The following GKN1 variants were observed in gnomAD, a reference collection of about 807,000 sequenced individuals.
GKN1 encodes gastrokine 1.
In GKN1, 17 loss-of-function variants were observed where a neutral mutation model predicts 19.7. The observed-to-expected ratio is 0.86, with a 90% CI of 0.59 to 1.29. The LOEUF is 1.29. Ranked by LOEUF, GKN1 falls within the 50% of genes most tolerant of loss-of-function variation. The pLI is 0.00. For missense variants in GKN1, 218 were observed against 224.5 expected, an observed-to-expected ratio of 0.97 and a Z score of 0.19; for synonymous variants, 96 against 78.3, an observed-to-expected ratio of 1.23 and a Z score of -1.20.
intron 1 of GKN1, among the ~76,000 whole-genome samples, chr2:68,976,807 C>A (rs1266217960): frequency 6.6e-6 from 1 of 152,062 alleles, no homozygotes; most frequent in South Asian, 2.1e-4. Context: ...TAAAAATAAT[C>A]ATTTATAGCA....
chr2:68,977,546 T>C lies in GKN1; in HGVS notation c.64T>C (p.Tyr22His), dbSNP rs1465102802. The C allele has an allele frequency of 1.9e-6, 3 of 1,609,408 alleles. No individual in the cohort carries two copies. The highest frequency in any genetic ancestry group is 2.6e-6 in the Non-Finnish European group (3 of 1,175,974). Residue 22 changes from tyrosine to histidine, a missense_variant and splice_region_variant, in exon 2 of 6, where the codon TAT becomes CAT. Physicochemically the swap from Tyr to His is moderately conservative, Grantham distance 83 (BLOSUM62 2). Coordinates refer to ENST00000377938, the MANE Select transcript of GKN1 (RefSeq NM_019617.4). ...CTTTCTAGCTCCTGCCCTAGCTAAC[T>C]ATGTAAGTCTCACCTTTTCAAGTTT... The part of the protein sequence containing the change: ...GVFLAPALAN[Y>H]NINVNDDNNN...
In GKN1 at chr2:68,977,775, G is replaced by T; in HGVS notation, c.204+1G>T. 6.2e-7 allele frequency: 1 copy of T among 1,605,518 alleles called. No individual in the cohort carries two copies. Among genetic ancestry groups the T allele is most frequent in the Non-Finnish European group, 8.5e-7 (1 of 1,173,080 alleles). The stretch of plus-strand genomic sequence containing the variant: ...GAATTCCATCTGGGATTATGGAAAT[G>T]TAGGTAGTCAACGTGCAATTTTCAC... On this transcript the variant is annotated splice_donor_variant, in intron 3 of 5. Coordinates refer to ENST00000377938, the MANE Select transcript of GKN1 (RefSeq NM_019617.4). LOFTEE classifies it high-confidence loss of function.
At chr2:68,976,900 C>A (rs971442954) in intron 1 of GKN1, among the ~76,000 whole-genome samples, 2 of 152,106 alleles carry the variant, frequency 1.3e-5, no homozygotes, top group African/African-American at 2.4e-5. Flanking sequence ...TATAATTCAA[C>A]AAAACAGCAT....
intron 4 of GKN1, among the ~76,000 whole-genome samples, chr2:68,979,459 C>T (rs1476178686): frequency 6.6e-6 from 1 of 152,154 alleles, no homozygotes; most frequent in Admixed American, 6.5e-5. Flanking sequence ...TATATTTTGT[C>T]TGGCCATACT....
At position 68,980,871 on chromosome 2, in the gene GKN1, C is replaced by T; in HGVS notation, c.*48C>T. ...GATTTAGTCATCTGAATATGCTGTG[C>T]AGAAAAAATATGGGCTCCAGTGGTT... On this transcript the variant is annotated 3_prime_UTR_variant, in exon 6 of 6. Coordinates refer to ENST00000377938, the MANE Select transcript of GKN1 (RefSeq NM_019617.4). 1.1e-6 allele frequency: 1 copy of T among 917,328 alleles called. No homozygotes were observed. Among genetic ancestry groups the T allele is most frequent in the Non-Finnish European group, 1.8e-6 (1 of 550,828 alleles). 56.8% of individuals were successfully genotyped at this position (917,328 alleles called of 1,614,324 possible).
chr2:68,978,038 C>CA (rs1670291202), intron 3 of GKN1: 1 of 432,732 alleles, frequency 2.3e-6, no homozygotes, highest in African/African-American at 2.0e-5. Context: ...CAAATATGAA[C>CA]ATCCTTTTGC....
rs533948431 is a variant in GKN1 at position 68,978,739 on chromosome 2, C to T, written c.205-132C>T. 8.5e-6 allele frequency: 5 copies of T among 588,602 alleles called. No individual in the cohort carries two copies. In the South Asian group the frequency reaches 1.2e-4, roughly 14 times the overall value. The allele number at this position is 588,602 out of a possible 1,614,324, so 36.5% of individuals were successfully genotyped here. A position where few individuals can be genotyped will look rare whatever the true frequency, so the allele number is the denominator to read the frequency against. Reference sequence around the variant, plus strand: ...AATAGATATGATTGCCAAGCAGTGCCCCATCCAGTGCTCTTATCCCAGCTC... The same window carrying T: ...AATAGATATGATTGCCAAGCAGTGCTCCATCCAGTGCTCTTATCCCAGCTC... On this transcript the variant is annotated intron_variant, in intron 3 of 5. Coordinates refer to ENST00000377938, the MANE Select transcript of GKN1 (RefSeq NM_019617.4).
At chr2:68,976,449 G>A (rs1670263995) in intron 1 of GKN1, among the ~76,000 whole-genome samples, 1 of 152,130 alleles carries the variant, frequency 6.6e-6, no homozygotes, top group South Asian at 2.1e-4. Flanking sequence ...TGAATTTTCT[G>A]AATTTCTCTA....
Position 68,980,766 on chromosome 2 carries a change from G to A in GKN1, c.501G>A (p.Thr167=), listed in dbSNP as rs141743643. 1.1e-5 allele frequency: 17 copies of A among 1,598,912 alleles called. No individual in the cohort carries two copies. In the African/African-American group the frequency reaches 1.3e-4, roughly 13 times the overall value. The change falls in exon 6 of 6, where the codon ACG becomes ACA. Residue 167 remains threonine, a synonymous_variant. Coordinates refer to ENST00000377938, the MANE Select transcript of GKN1 (RefSeq NM_019617.4). ...TTTTTTACTCAGGAACGTGCTACAC[G>A]ACCAGTGTACTATGGATTGTGGACA... ...SLFFYSGTCY[T]TSVLWIVDIS...
chr2:68,975,122 A>G (rs767136381), intron 1 of GKN1, among the ~76,000 whole-genome samples: 20 of 152,308 alleles, frequency 1.3e-4, no homozygotes, highest in Non-Finnish European at 2.8e-4. Context: ...TAACAAAATG[A>G]CTTTCCGCAT....
At chr2:68,975,946 G>A (rs1380033672) in intron 1 of GKN1, among the ~76,000 whole-genome samples, 1 of 152,062 alleles carries the variant, frequency 6.6e-6, no homozygotes, top group Non-Finnish European at 1.5e-5. Flanking sequence ...CAAAGGAAAT[G>A]AGACTAGGTA....
In GKN1 at chr2:68,978,298, G is replaced by GAAAGAAAGAAAGAAAGAAAGAA. The variant is rs1558715320; in HGVS notation, c.204+525_204+526insAAGAAAGAAAGAAAGAAAGAAA. On this transcript the variant is annotated intron_variant, in intron 3 of 5. Transcript: ENST00000377938. ...AAAGAAAGAAAGAAAGAAAGAAAGA[G>GAAAGAAAGAAAGAAAGAAAGAA]AGAGAAAGAAAGAAAAAGAAAAAAG... is the stretch of plus-strand genomic sequence containing the variant. 7.4e-4 allele frequency among the ~76,000 whole-genome samples: 78 copies of GAAAGAAAGAAAGAAAGAAAGAA among 105,056 alleles called. 2 individuals are homozygous for GAAAGAAAGAAAGAAAGAAAGAA. Among genetic ancestry groups the GAAAGAAAGAAAGAAAGAAAGAA allele is most frequent in the African/African-American group, 4.1e-3 (76 of 18,608 alleles). The allele number at this position is 105,056 out of a possible 152,430, so 68.9% of individuals were successfully genotyped here.
Position 68,980,041 on chromosome 2 carries a change from C to T in GKN1, c.444C>T (p.Tyr148=). The change falls in exon 5 of 6, where the codon TAC becomes TAT. Residue 148 remains tyrosine (Y), a synonymous_variant. Transcript: ENST00000377938. ...ACATGTGTCGTGGGATTCCAACATA[C>T]ATGGCTGAGGAGATGCAAGGTGAGT... ...IANMCRGIPT[Y]MAEEMQEASL... is the part of the protein sequence containing the mutation. 4.3e-6 allele frequency: 7 copies of T among 1,613,854 alleles called. No individual in the cohort carries two copies. In the East Asian group the frequency reaches 1.6e-4, roughly 36 times the overall value.
In GKN1 at chr2:68,980,074, C is replaced by G; in HGVS notation, c.463+14C>G. On this transcript the variant is annotated intron_variant, in intron 5 of 5. Transcript: ENST00000377938. ...AGGAGATGCAAGGTGAGTAGCATCC[C>G]TACTGTGCACCCCAAGTTAGTGCTG... The G allele has an allele frequency of 6.2e-7, 1 of 1,609,254 alleles. No homozygotes were observed. Among genetic ancestry groups the G allele is most frequent in the Non-Finnish European group, 8.5e-7 (1 of 1,176,252 alleles).
chr2:68,980,426 A>G (rs1203103973), intron 5 of GKN1, among the ~76,000 whole-genome samples: 3 of 152,234 alleles, frequency 2.0e-5, no homozygotes, highest in African/African-American at 7.2e-5. Context: ...CATATTCAAA[A>G]GAATGCATGA....
chr2:68,980,094 G>A (rs904161051), intron 5 of GKN1, 34 bp downstream of exon 5: 3 of 1,596,500 alleles, frequency 1.9e-6, no homozygotes, highest in Non-Finnish European at 1.7e-6. Flanking sequence ...CCCCAAGTTA[G>A]TGCTGGTGGG....
At chr2:68,979,869 A>G (rs762330084) in intron 4 of GKN1, 44 bp from the exon 5 acceptor site, 3 of 1,570,662 alleles carry the variant, frequency 1.9e-6, no homozygotes, top group East Asian at 4.5e-5. Flanking sequence ...CTTGGCATTC[A>G]TTCTCTCCCA....
At chr2:68,975,844 C>A (rs1430035790) in intron 1 of GKN1, among the ~76,000 whole-genome samples, 3 of 152,112 alleles carry the variant, frequency 2.0e-5, no homozygotes, top group Admixed American at 6.6e-5. Flanking sequence ...TAATTTTTAA[C>A]TCCTTTTTAA....
In GKN1 at chr2:68,977,681, GCAGT is replaced by G. The variant is rs1175955602; in HGVS notation, c.116_119del (p.Ser39Ter). On this transcript the variant is annotated frameshift_variant, in exon 3 of 6. Coordinates refer to ENST00000377938, the MANE Select transcript of GKN1 (RefSeq NM_019617.4). LOFTEE classifies it high-confidence loss of function. Reference sequence around the variant, plus strand: ...ACAACAACAATGCTGGAAGTGGGCAGCAGTCAGTGAGTGTCAACAATGAACACAA... The same window carrying G: ...ACAACAACAATGCTGGAAGTGGGCAGCAGTGAGTGTCAACAATGAACACAA... 1 of 1,608,268 alleles carries G rather than the reference GCAGT, an allele frequency of 6.2e-7. No homozygotes were observed. The highest frequency in any genetic ancestry group is 1.3e-5 in the African/African-American group (1 of 74,916).
Sources: gnomAD v4.1 joint callset for allele counts (sites outside exome capture counted in the v4.1 genomes callset) on GRCh38, gnomAD v4.1.1 for gene constraint, MANE v1.5 for transcripts, NCBI Gene and HGNC (gene_info 2026-07-23, HGNC 2026-07-21) for gene names.